Variants in CHD7 observed in about 807,000 individuals in gnomAD.
CHD7 encodes ATP-dependent chromatin remodeler CHD7.
Under a neutral mutation model 307.3 loss-of-function variants are expected in CHD7, and 24 were observed. The ratio of observed to expected loss-of-function variants is 0.08; its 90% CI spans 0.06 to 0.11. The LOEUF (loss-of-function observed/expected upper bound fraction) is 0.11. CHD7 is among the 10% of genes least tolerant of loss of function. CHD7 has a pLI of 1.00. For synonymous variants in CHD7, 1,363 were observed against 1,349.9 expected (o/e 1.01, Z -0.21); for missense variants, 3,106 against 3,727.1 (o/e 0.83, Z 4.34).
chr8:60,749,131 G>A (rs1809494782), intron 2 of CHD7, among the ~76,000 whole-genome samples: 1 of 151,978 alleles, frequency 6.6e-6, no homozygotes, highest in South Asian at 2.1e-4. Context: ...CCAGCACTTT[G>A]GGAGGTCGAG....
Position 60,738,497 on chromosome 8 carries a change from A to C in CHD7, c.-174-2762A>C, listed in dbSNP as rs567148293. On this transcript the variant is annotated intron_variant, in intron 1 of 37. Coordinates refer to ENST00000423902, the MANE Select transcript of CHD7 (RefSeq NM_017780.4). ...TAGACGAGAGGGAAGCTTTCAAAATAGGGCTTTGAATGAATATCTTTTATA... is the reference window on the plus strand; with the variant it reads ...TAGACGAGAGGGAAGCTTTCAAAATCGGGCTTTGAATGAATATCTTTTATA... Among the ~76,000 whole-genome samples, 3 of 150,808 alleles carry C rather than the reference A, an allele frequency of 2.0e-5. No homozygotes were observed. The South Asian group carries it at 6.4e-4, about 32-fold the overall frequency.
At chr8:60,810,268 A>G (rs1356575853) in intron 7 of CHD7, among the ~76,000 whole-genome samples, 1 of 151,434 alleles carries the variant, frequency 6.6e-6, no homozygotes, top group Non-Finnish European at 1.5e-5. Flanking sequence ...GGTTGTTTTC[A>G]GTGAAGGGGG....
At chr8:60,734,545 A>G (rs1029483942) in intron 1 of CHD7, among the ~76,000 whole-genome samples, 1 of 152,180 alleles carries the variant, frequency 6.6e-6, no homozygotes, top group African/African-American at 2.4e-5. Context: ...GCTTCCGAAG[A>G]TGGGTGATAA....
chr8:60,826,901 CGTT>C (rs1804276972), intron 13 of CHD7, among the ~76,000 whole-genome samples: 1 of 152,136 alleles, frequency 6.6e-6, no homozygotes, highest in Non-Finnish European at 1.5e-5. Flanking sequence ...AGAATGGTAA[CGTT>C]GTCAAGGCAA....
Position 60,792,487 on chromosome 8 carries a change from G to A in CHD7, c.2097-2499G>A, listed in dbSNP as rs892812230. Among the ~76,000 whole-genome samples, 6 of 152,050 alleles carry A rather than the reference G, an allele frequency of 3.9e-5. No homozygotes were observed. In the East Asian group the frequency reaches 9.6e-4, roughly 24 times the overall value. ...TCCGTTAACAACATGAATAGTGAAAGGTCTGATGAGTTTAGAAATCTTTCC... is the reference window on the plus strand; with the variant it reads ...TCCGTTAACAACATGAATAGTGAAAAGTCTGATGAGTTTAGAAATCTTTCC... On this transcript the variant is annotated intron_variant, in intron 3 of 37. Coordinates refer to ENST00000423902, the MANE Select transcript of CHD7 (RefSeq NM_017780.4).
Position 60,836,119 on chromosome 8 carries a change from A to C in CHD7, c.3825A>C (p.Ala1275=). 6.2e-7 allele frequency: 1 copy of C among 1,613,292 alleles called. No homozygotes were observed. The highest frequency in any genetic ancestry group is 8.5e-7 in the Non-Finnish European group (1 of 1,179,656). The part of the protein sequence containing the change: ...ILEEFKETHN[A]ESPDFQLQAM... Reference sequence around the variant, plus strand: ...AAGAGTTTAAAGAAACACACAATGCAGAGTCTCCAGATTTTCAGCTCCAGG... The same window carrying C: ...AAGAGTTTAAAGAAACACACAATGCCGAGTCTCCAGATTTTCAGCTCCAGG... The change falls in exon 16 of 38, where the codon GCA becomes GCC. Residue 1275 remains alanine (A), a synonymous_variant. Coordinates refer to ENST00000423902, the MANE Select transcript of CHD7 (RefSeq NM_017780.4).
chr8:60,818,193 T>G (rs954893845), intron 8 of CHD7, among the ~76,000 whole-genome samples: 1 of 152,250 alleles, frequency 6.6e-6, no homozygotes, highest in African/African-American at 2.4e-5. Flanking sequence ...GTTCCATGGC[T>G]GTACTGCTTT....
At chr8:60,688,136 C>T (rs1374426303) in intron 1 of CHD7, among the ~76,000 whole-genome samples, 3 of 152,196 alleles carry the variant, frequency 2.0e-5, no homozygotes, top group Admixed American at 6.5e-5. Context: ...TAAGGCCCTT[C>T]TGCTCACATG....
intron 6 of CHD7, among the ~76,000 whole-genome samples, chr8:60,807,327 A>G (rs1003581667): frequency 6.6e-6 from 1 of 152,212 alleles, no homozygotes; most frequent in Non-Finnish European, 1.5e-5. Flanking sequence ...AAACATCTGT[A>G]AGTGGTGTTT....
chr8:60,836,003 A>AAG, intron 15 of CHD7, 70 bp from the exon 16 acceptor site: 1 of 1,180,842 alleles, frequency 8.5e-7, no homozygotes, highest in Admixed American at 2.0e-5. Flanking sequence ...TGGGTTTTGA[A>AAG]AGCAAGTGCA....
At chr8:60,725,104 G>A (rs1808100932) in intron 1 of CHD7, among the ~76,000 whole-genome samples, 1 of 152,196 alleles carries the variant, frequency 6.6e-6, no homozygotes, top group Non-Finnish European at 1.5e-5. Context: ...ATAAGCCCTG[G>A]GGATAAAGAG....
At chr8:60,821,676 A>G (rs944119946) in intron 9 of CHD7, 114 bp from the exon 10 acceptor site, 6 of 797,470 alleles carry the variant, frequency 7.5e-6, no homozygotes, top group Admixed American at 3.3e-5. Flanking sequence ...ATGTATAAAC[A>G]TATATATACA....
At chr8:60,749,732 G>A (rs1809533684) in intron 2 of CHD7, among the ~76,000 whole-genome samples, 1 of 152,144 alleles carries the variant, frequency 6.6e-6, no homozygotes, top group Non-Finnish European at 1.5e-5. Flanking sequence ...CAGAAGGAAG[G>A]CAAAAGAAAT....
intron 2 of CHD7, among the ~76,000 whole-genome samples, chr8:60,758,210 A>T (rs934533392): frequency 3.9e-5 from 6 of 152,118 alleles, no homozygotes; most frequent in Admixed American, 1.3e-4. Flanking sequence ...ATCATGGCTC[A>T]CTGCGTCCTC....
At chr8:60,702,771 C>T (rs1005917761) in intron 1 of CHD7, among the ~76,000 whole-genome samples, 1 of 152,166 alleles carries the variant, frequency 6.6e-6, no homozygotes, top group Non-Finnish European at 1.5e-5. Flanking sequence ...AAAGAGAAGC[C>T]ATCTATTTAG....
intron 1 of CHD7, among the ~76,000 whole-genome samples, chr8:60,710,821 G>A (rs573594883): frequency 2.6e-5 from 4 of 152,250 alleles, no homozygotes; most frequent in South Asian, 4.2e-4. Flanking sequence ...AGTGTCCTGC[G>A]TAAAAAAGAG....
intron 25 of CHD7, among the ~76,000 whole-genome samples, chr8:60,849,727 G>T (rs1482392191): frequency 6.6e-6 from 1 of 152,178 alleles, no homozygotes; most frequent in Non-Finnish European, 1.5e-5. Context: ...CAGCAGCCCA[G>T]CCTGACTAAA....
chr8:60,861,119 T>C lies in CHD7; in HGVS notation c.7824T>C (p.Tyr2608=), dbSNP rs1586460329. Residue 2608 remains tyrosine, a synonymous_variant, in exon 35 of 38, where the codon TAT becomes TAC. Coordinates refer to ENST00000423902, the MANE Select transcript of CHD7 (RefSeq NM_017780.4). ...HPTYTVDMPS[Y]VPKNADVLFS... ...CTTACACTGTTGATATGCCAAGTTA[T>C]GTACCAGTGAGTATTGCAGAGTTTA... 1.1e-5 allele frequency: 17 copies of C among 1,581,098 alleles called. No individual in the cohort carries two copies. The highest frequency in any genetic ancestry group is 1.4e-5 in the Non-Finnish European group (16 of 1,163,468).
intron 1 of CHD7, among the ~76,000 whole-genome samples, chr8:60,714,025 C>CA (rs1807417998): frequency 6.6e-6 from 1 of 151,362 alleles, no homozygotes; most frequent in African/African-American, 2.4e-5. Flanking sequence ...GCCTTCATTC[C>CA]AAAACCCCAG....
Sources: gnomAD v4.1 joint callset for allele counts (sites outside exome capture counted in the v4.1 genomes callset) on GRCh38, gnomAD v4.1.1 for gene constraint, MANE v1.5 for transcripts, NCBI Gene and HGNC (gene_info 2026-07-23, HGNC 2026-07-21) for gene names.